DCAF8L2: variants seen among roughly 807,000 people sequenced by gnomAD.
DCAF8L2 encodes the protein DDB1- and CUL4-associated factor 8-like protein 2.
For missense variants in DCAF8L2, 430 were observed against 490.7 expected, an observed-to-expected ratio of 0.88 and a Z score of 1.17; for synonymous variants, 200 against 190.9, an observed-to-expected ratio of 1.05 and a Z score of -0.39.
intron 3 of DCAF8L2, among the ~76,000 whole-genome samples, chrX:27,680,370 G>A (rs911019908): frequency 7.1e-5 from 8 of 112,120 alleles, no homozygotes; most frequent in African/African-American, 2.6e-4. Flanking sequence ...TGGCAGTCAC[G>A]CAGGATCACA....
chrX:27,680,328 A>G (rs1328937957), intron 3 of DCAF8L2, among the ~76,000 whole-genome samples: 2 of 111,741 alleles, frequency 1.8e-5, no homozygotes, highest in Non-Finnish European at 3.8e-5. Flanking sequence ...GAGTTAGAAA[A>G]AAAAGACTTC....
chrX:27,702,023 G>T (rs2147268722), intron 3 of DCAF8L2, among the ~76,000 whole-genome samples: 1 of 111,155 alleles, frequency 9.0e-6, no homozygotes, highest in East Asian at 2.8e-4. Context: ...GAATGAAAGA[G>T]AATATACCAC....
chrX:27,514,617 C>A, the DCAF8L2 span, among the ~76,000 whole-genome samples: 3 of 81,117 alleles, frequency 3.7e-5, no homozygotes, highest in Non-Finnish European at 6.7e-5. Context: ...TGCAGTGAGC[C>A]GAGATCCCGC....
At chrX:27,652,696 A>G (rs1230814587) in intron 2 of DCAF8L2, among the ~76,000 whole-genome samples, 1 of 112,235 alleles carries the variant, frequency 8.9e-6, no homozygotes, top group Non-Finnish European at 1.9e-5. Flanking sequence ...CACTTCTGAT[A>G]TGAAATATGG....
the DCAF8L2 span, among the ~76,000 whole-genome samples, chrX:27,535,952 T>C: frequency 9.0e-6 from 1 of 111,580 alleles, no homozygotes; most frequent in Non-Finnish European, 1.9e-5. Context: ...AATTTTGTCA[T>C]TGCAATTTGT....
chrX:27,534,537 G>T, the DCAF8L2 span, among the ~76,000 whole-genome samples: 1 of 112,101 alleles, frequency 8.9e-6, no homozygotes, highest in Non-Finnish European at 1.9e-5. Flanking sequence ...ATGACAAAAT[G>T]ATTCCAAGTT....
chrX:27,513,850 C>T, the DCAF8L2 span, among the ~76,000 whole-genome samples: 3 of 111,150 alleles, frequency 2.7e-5, no homozygotes, highest in African/African-American at 9.9e-5. Context: ...TATTACTTTA[C>T]CCCAGTCAAA....
chrX:27,640,877 T>C (rs1299014614), intron 2 of DCAF8L2, among the ~76,000 whole-genome samples: 1 of 112,060 alleles, frequency 8.9e-6, no homozygotes, highest in Non-Finnish European at 1.9e-5. Context: ...GATGTTCATA[T>C]ACATTTATGT....
At chrX:27,491,238 A>G in the DCAF8L2 span, among the ~76,000 whole-genome samples, 1 of 112,472 alleles carries the variant, frequency 8.9e-6, no homozygotes, top group African/African-American at 3.2e-5. Flanking sequence ...TGAATATTGT[A>G]CAGATACTTT....
At chrX:27,554,277 TAA>T in the DCAF8L2 span, among the ~76,000 whole-genome samples, 21 of 111,761 alleles carry the variant, frequency 1.9e-4, no homozygotes, top group South Asian at 7.1e-3. Flanking sequence ...TTACAGCACA[TAA>T]AGATTCTCAT....
At chrX:27,654,553 G>C (rs1929277907) in intron 2 of DCAF8L2, among the ~76,000 whole-genome samples, 1 of 111,972 alleles carries the variant, frequency 8.9e-6, no homozygotes. Flanking sequence ...TCAACAAGCT[G>C]TGGCAACTAG....
chrX:27,712,910 T>C, intron 3 of DCAF8L2, among the ~76,000 whole-genome samples: 1 of 111,858 alleles, frequency 8.9e-6, no homozygotes, highest in Admixed American at 9.6e-5. Flanking sequence ...TCACTTGGGA[T>C]TGAGCAAAGG....
intron 1 of DCAF8L2, among the ~76,000 whole-genome samples, chrX:27,606,341 T>TTA (rs1555917775): frequency 5.3e-4 from 23 of 43,017 alleles, no homozygotes; most frequent in African/African-American, 2.9e-3. Context: ...TATATAGGAA[T>TTA]TATATATATA....
chrX:27,523,906 T>C, the DCAF8L2 span, among the ~76,000 whole-genome samples: 38 of 111,202 alleles, frequency 3.4e-4, no homozygotes, highest in Non-Finnish European at 6.2e-4. Flanking sequence ...CTGAGAATGA[T>C]GGTTTCCAGC....
At chrX:27,745,576 A>G (rs1292337241) in intron 4 of DCAF8L2, among the ~76,000 whole-genome samples, 3 of 112,129 alleles carry the variant, frequency 2.7e-5, no homozygotes, top group Non-Finnish European at 5.6e-5. Flanking sequence ...TACTGTTTAC[A>G]TATCTTTCTG....
intron 4 of DCAF8L2, among the ~76,000 whole-genome samples, chrX:27,738,748 A>G (rs1313917801): frequency 1.8e-5 from 2 of 112,045 alleles, no homozygotes; most frequent in Non-Finnish European, 3.8e-5. Context: ...TATTGGACTA[A>G]TTCTCTCATT....
chrX:27,597,857 T>C (rs1462675804), intron 1 of DCAF8L2, among the ~76,000 whole-genome samples: 1 of 112,224 alleles, frequency 8.9e-6, no homozygotes, highest in Non-Finnish European at 1.9e-5. Context: ...CCTCTAGCAA[T>C]GGTGCATAAG....
chrX:27,604,670 T>G (rs748721041), intron 1 of DCAF8L2, among the ~76,000 whole-genome samples: 2 of 111,893 alleles, frequency 1.8e-5, no homozygotes, highest in African/African-American at 6.5e-5. Flanking sequence ...TGTGACAAAG[T>G]GTAGAATTCC....
chrX:27,700,343 A>G (rs1003223352), intron 3 of DCAF8L2, among the ~76,000 whole-genome samples: 4 of 106,110 alleles, frequency 3.8e-5, no homozygotes, highest in African/African-American at 1.4e-4. Flanking sequence ...TGTGTTGAGG[A>G]GTATTAACAC....
Sources: allele counts gnomAD v4.1 joint callset (sites outside exome capture counted in the v4.1 genomes callset), GRCh38; gene constraint gnomAD v4.1.1; transcripts MANE v1.5; gene names NCBI Gene and HGNC (gene_info 2026-07-23, HGNC 2026-07-21).